ANKRD30A: variants seen among roughly 807,000 people sequenced by gnomAD.
The protein encoded by ANKRD30A is ankyrin repeat domain 30A, also known as ankyrin repeat domain-containing protein 30A.
In ANKRD30A, 170 loss-of-function variants were observed where a neutral mutation model predicts 166.3. That is an observed-to-expected ratio of 1.02 (90% CI 0.90 to 1.16). ANKRD30A has a LOEUF of 1.16. ANKRD30A is among the 50% of genes most tolerant of loss of function. ANKRD30A has a pLI of 0.00. For synonymous variants in ANKRD30A, 564 were observed against 508.9 expected, an observed-to-expected ratio of 1.11 and a Z score of -1.46; for missense variants, 1,630 against 1,518.0, an observed-to-expected ratio of 1.07 and a Z score of -1.23.
intron 29 of ANKRD30A, among the ~76,000 whole-genome samples, chr10:37,198,559 C>T (rs917749553): frequency 1.3e-5 from 2 of 151,956 alleles, no homozygotes; most frequent in African/African-American, 4.8e-5. Context: ...ATGCATTCCA[C>T]CAAGAATTTG....
intron 11 of ANKRD30A, among the ~76,000 whole-genome samples, 184 bp downstream of exon 11, chr10:37,150,033 T>G (rs1837807271): frequency 6.6e-6 from 1 of 152,072 alleles, no homozygotes; most frequent in Admixed American, 6.6e-5. Flanking sequence ...TAATATATTT[T>G]TTAAAAATGT....
intron 24 of ANKRD30A, among the ~76,000 whole-genome samples, chr10:37,183,768 G>A (rs1317954048): frequency 6.8e-6 from 1 of 148,140 alleles, no homozygotes; most frequent in Non-Finnish European, 1.5e-5. Context: ...TGTAACTCCA[G>A]CAGTTTTATA....
chr10:37,183,127 A>G (rs1256694996), intron 24 of ANKRD30A, among the ~76,000 whole-genome samples: 9 of 149,480 alleles, frequency 6.0e-5, no homozygotes, highest in Admixed American at 3.4e-4. Context: ...CTGAAGTGGG[A>G]GTATTTACTG....
the ANKRD30A span, among the ~76,000 whole-genome samples, chr10:37,245,091 AC>A: frequency 6.6e-6 from 1 of 152,206 alleles, no homozygotes; most frequent in African/African-American, 2.4e-5. Flanking sequence ...GTATTCTCAC[AC>A]TACTAATATT....
At chr10:37,231,811 G>C in intron 35 of ANKRD30A, 131 bp downstream of exon 35, 1 of 175,968 alleles carries the variant, frequency 5.7e-6, no homozygotes, top group East Asian at 1.4e-4. Context: ...CGTTAACAAA[G>C]AAAGAAAACA....
chr10:37,191,552 T>G (rs189100891), intron 25 of ANKRD30A, among the ~76,000 whole-genome samples: 2 of 152,152 alleles, frequency 1.3e-5, no homozygotes, highest in African/African-American at 4.8e-5. Flanking sequence ...CTCCTGTGAT[T>G]CCAGATCAGT....
intron 27 of ANKRD30A, among the ~76,000 whole-genome samples, chr10:37,196,722 A>C (rs1223759827): frequency 6.6e-6 from 1 of 152,138 alleles, no homozygotes; most frequent in Non-Finnish European, 1.5e-5. Flanking sequence ...CATTCAGATG[A>C]ATAAAGCAGA....
At chr10:37,161,640 C>G (rs867188134) in intron 15 of ANKRD30A, among the ~76,000 whole-genome samples, 1 of 151,812 alleles carries the variant, frequency 6.6e-6, no homozygotes, top group Non-Finnish European at 1.5e-5. Flanking sequence ...CAGAGACTAC[C>G]GGAAGCAGGA....
chr10:37,263,261 A>G, the ANKRD30A span, among the ~76,000 whole-genome samples: 1 of 152,040 alleles, frequency 6.6e-6, no homozygotes, highest in South Asian at 2.1e-4. Context: ...CTAAGATAGC[A>G]GTCCCCAACT....
At chr10:37,199,890 C>G in intron 30 of ANKRD30A, 102 bp downstream of exon 30, 1 of 614,298 alleles carries the variant, frequency 1.6e-6, no homozygotes, top group East Asian at 3.3e-5. Flanking sequence ...ATATGTCACC[C>G]GCAAATTATT....
chr10:37,193,649 G>A (rs1209043151), intron 27 of ANKRD30A, among the ~76,000 whole-genome samples: 1 of 151,976 alleles, frequency 6.6e-6, no homozygotes, highest in Non-Finnish European at 1.5e-5. Context: ...ACAGTTGTGA[G>A]TGTTACCACT....
chr10:37,258,830 G>A, the ANKRD30A span, among the ~76,000 whole-genome samples: 2 of 151,560 alleles, frequency 1.3e-5, no homozygotes, highest in Admixed American at 6.6e-5. Flanking sequence ...AGGCATGGTG[G>A]TGGACACCTG....
intron 31 of ANKRD30A, among the ~76,000 whole-genome samples, chr10:37,202,622 A>G (rs962659763): frequency 1.3e-5 from 2 of 152,234 alleles, no homozygotes; most frequent in African/African-American, 2.4e-5. Context: ...GCAGAAGGCA[A>G]GAAATAACTA....
At chr10:37,161,617 A>G (rs1194030384) in intron 15 of ANKRD30A, among the ~76,000 whole-genome samples, 1 of 152,168 alleles carries the variant, frequency 6.6e-6, no homozygotes, top group Non-Finnish European at 1.5e-5. Flanking sequence ...CAGAATGTAG[A>G]CTGTGGGCAC....
Position 37,141,844 on chromosome 10 carries a change from C to A in ANKRD30A, c.947C>A (p.Thr316Lys). Residue 316 changes from threonine (T) to lysine (K), a missense_variant, in exon 7 of 36, where the codon ACG (threonine) becomes AAG (lysine). Thr to Lys is a moderately conservative substitution (Grantham distance 78, BLOSUM62 -1). Transcript: ENST00000361713. ...AAPLVERTPD[T>K]AESLVEKTPD... Reference sequence around the variant, plus strand: ...CCCTTGGTGGAAAGAACACCTGACACGGCTGAAAGCTTGGTGGAAAAAACA... The same window carrying A: ...CCCTTGGTGGAAAGAACACCTGACAAGGCTGAAAGCTTGGTGGAAAAAACA... The A allele has an allele frequency of 6.2e-7, 1 of 1,608,548 alleles. No individual in the cohort carries two copies. Among genetic ancestry groups the A allele is most frequent in the Non-Finnish European group, 8.5e-7 (1 of 1,178,360 alleles).
chr10:37,199,841 A>G (rs1395518009), intron 30 of ANKRD30A, 53 bp downstream of exon 30: 2 of 1,097,306 alleles, frequency 1.8e-6, no homozygotes, highest in Non-Finnish European at 2.7e-6. Flanking sequence ...ATATGAAAAC[A>G]TAAAATCAGA....
At chr10:37,162,472 TC>T (rs1838992619) in intron 15 of ANKRD30A, among the ~76,000 whole-genome samples, 176 bp from the exon 16 acceptor site, 1 of 152,144 alleles carries the variant, frequency 6.6e-6, no homozygotes, top group Admixed American at 6.5e-5. Context: ...TATATTTTCT[TC>T]AGTGTATTCT....
At chr10:37,154,088 G>C (rs917649305) in intron 13 of ANKRD30A, among the ~76,000 whole-genome samples, 1 of 152,088 alleles carries the variant, frequency 6.6e-6, no homozygotes, top group Non-Finnish European at 1.5e-5. Context: ...TGACCTTCTA[G>C]TATCAAAATT....
intron 19 of ANKRD30A, among the ~76,000 whole-genome samples, chr10:37,167,672 G>A (rs1224790839): frequency 1.3e-5 from 2 of 151,974 alleles, no homozygotes; most frequent in South Asian, 2.1e-4. Flanking sequence ...AGTGGATTAA[G>A]AGATATTGAG....
Sources: gnomAD v4.1 joint callset for allele counts (sites outside exome capture counted in the v4.1 genomes callset) on GRCh38, gnomAD v4.1.1 for gene constraint, MANE v1.5 for transcripts, NCBI Gene and HGNC (gene_info 2026-07-23, HGNC 2026-07-21) for gene names.